RBFOX1: variants seen among roughly 807,000 people sequenced by gnomAD.
RBFOX1 encodes the protein RNA binding fox-1 homolog 1.
Under a neutral mutation model 57.7 loss-of-function variants are expected in RBFOX1, and 8 were observed. The observed-to-expected ratio is 0.14, with a 90% confidence interval of 0.08 to 0.25. RBFOX1 has a LOEUF of 0.25. RBFOX1 is among the 10% of genes least tolerant of loss of function. RBFOX1 has a pLI of 1.00. For synonymous variants in RBFOX1, 326 were observed against 222.4 expected (o/e 1.47, Z -4.15); for missense variants, 611 against 548.5 (o/e 1.11, Z -1.14).
At chr16:6,418,679 C>T (rs983354271) in intron 2 of RBFOX1, among the ~76,000 whole-genome samples, 4 of 151,896 alleles carry the variant, frequency 2.6e-5, no homozygotes, top group Non-Finnish European at 4.4e-5. Context: ...CATGCCACCA[C>T]ACCTGGCTAA....
chr16:5,813,347 C>G lies in RBFOX1; in HGVS notation c.319-53956C>G, dbSNP rs906245850. ...TTGTACAACCATTATGGTTCCAGAA[C>G]TTTTTCGTCACCCAAACAGAAAACT... is the stretch of plus-strand genomic sequence containing the variant. On this transcript the variant is annotated intron_variant, in intron 3 of 19. Coordinates refer to the RBFOX1 transcript ENST00000641259. Among the ~76,000 whole-genome samples, 9 of 152,268 alleles carry G rather than the reference C, an allele frequency of 5.9e-5. No individual in the cohort carries two copies. The South Asian group carries it at 1.5e-3, about 25-fold the overall frequency.
At chr16:7,518,972 A>T (rs1425584909) in intron 5 of RBFOX1, among the ~76,000 whole-genome samples, 1 of 152,170 alleles carries the variant, frequency 6.6e-6, no homozygotes, top group Non-Finnish European at 1.5e-5. Context: ...GCAGTGAGCT[A>T]AGATTGCTCC....
intron 4 of RBFOX1, among the ~76,000 whole-genome samples, chr16:5,918,874 G>C (rs985002673): frequency 6.6e-6 from 1 of 152,160 alleles, no homozygotes; most frequent in African/African-American, 2.4e-5. Context: ...AAGTCAAGGA[G>C]GCTTCTCAGA....
chr16:7,278,307 G>A (rs1275654055), intron 4 of RBFOX1, among the ~76,000 whole-genome samples: 4 of 152,158 alleles, frequency 2.6e-5, no homozygotes, highest in African/African-American at 9.7e-5. Flanking sequence ...AATGCTTAAA[G>A]AGAGATCAAA....
chr16:6,873,418 A>T (rs746692993), intron 3 of RBFOX1, among the ~76,000 whole-genome samples: 1 of 152,186 alleles, frequency 6.6e-6, no homozygotes, highest in African/African-American at 2.4e-5. Context: ...AGAAGTGCTC[A>T]CTATGACTAC....
intron 3 of RBFOX1, among the ~76,000 whole-genome samples, chr16:6,766,556 C>G (rs1164974657): frequency 1.3e-5 from 2 of 151,724 alleles, no homozygotes; most frequent in Non-Finnish European, 2.9e-5. Flanking sequence ...CACCCATGTT[C>G]TTTATCATCA....
At chr16:5,714,238 C>T (rs1596912593) in intron 3 of RBFOX1, among the ~76,000 whole-genome samples, 1 of 152,316 alleles carries the variant, frequency 6.6e-6, no homozygotes, top group South Asian at 2.1e-4. Context: ...TGAATCTGCA[C>T]ATAGTCATGT....
At chr16:6,975,330 A>G (rs2086588627) in intron 3 of RBFOX1, among the ~76,000 whole-genome samples, 1 of 152,050 alleles carries the variant, frequency 6.6e-6, no homozygotes, top group Non-Finnish European at 1.5e-5. Flanking sequence ...CAGTGGCACA[A>G]TATCAGCTCA....
intron 2 of RBFOX1, among the ~76,000 whole-genome samples, chr16:6,569,124 G>T (rs2097308601): frequency 6.6e-6 from 1 of 152,156 alleles, no homozygotes; most frequent in Non-Finnish European, 1.5e-5. Flanking sequence ...TACTCTCTCT[G>T]CCTCTTGATA....
intron 4 of RBFOX1, among the ~76,000 whole-genome samples, chr16:7,143,917 T>C (rs1192692326): frequency 1.3e-5 from 2 of 152,212 alleles, no homozygotes; most frequent in African/African-American, 4.8e-5. Flanking sequence ...CTGTAATGTC[T>C]ATTCACAGAC....
intron 4 of RBFOX1, among the ~76,000 whole-genome samples, chr16:7,090,872 CTCT>C (rs2060721019): frequency 6.6e-6 from 1 of 151,930 alleles, no homozygotes. Context: ...AAGTAAAACC[CTCT>C]TGACCAGCAC....
chr16:6,129,567 T>G (rs989422132), intron 1 of RBFOX1, among the ~76,000 whole-genome samples: 1 of 151,822 alleles, frequency 6.6e-6, no homozygotes, highest in Non-Finnish European at 1.5e-5. Context: ...ATTGAAAGCA[T>G]AGAGGTAGGG....
intron 1 of RBFOX1, among the ~76,000 whole-genome samples, chr16:5,432,261 T>G (rs998368484): frequency 2.0e-5 from 3 of 152,066 alleles, no homozygotes; most frequent in African/African-American, 7.2e-5. Flanking sequence ...AATAAAAACA[T>G]GGTTACAGTA....
chr16:5,531,213 G>A (rs752827215), intron 2 of RBFOX1, among the ~76,000 whole-genome samples: 5 of 152,140 alleles, frequency 3.3e-5, no homozygotes, highest in East Asian at 1.9e-4. Flanking sequence ...GGAGTTGTTC[G>A]TCAGCCCACC....
intron 1 of RBFOX1, among the ~76,000 whole-genome samples, chr16:6,181,349 C>G (rs2097060886): frequency 6.6e-6 from 1 of 152,160 alleles, no homozygotes. Flanking sequence ...ACCAAAGAGT[C>G]CCACTGTTCT....
chr16:6,666,542 A>G (rs1363062491), intron 3 of RBFOX1, among the ~76,000 whole-genome samples: 1 of 84,748 alleles, frequency 1.2e-5, no homozygotes, highest in African/African-American at 6.9e-5. Flanking sequence ...TCTGTCTCCA[A>G]AAAAAAAAAA....
chr16:5,362,111 T>C (rs1392309760), intron 1 of RBFOX1, among the ~76,000 whole-genome samples: 1 of 152,222 alleles, frequency 6.6e-6, no homozygotes, highest in East Asian at 1.9e-4. Flanking sequence ...TCAACAAATG[T>C]TTACATGCAT....
At chr16:7,155,971 ATG>A (rs1490048648) in intron 4 of RBFOX1, among the ~76,000 whole-genome samples, 3 of 151,710 alleles carry the variant, frequency 2.0e-5, no homozygotes, top group African/African-American at 7.3e-5. Flanking sequence ...CAAAATAACT[ATG>A]TAATATACAG....
At chr16:6,710,914 A>G (rs2063599936) in intron 3 of RBFOX1, among the ~76,000 whole-genome samples, 1 of 152,214 alleles carries the variant, frequency 6.6e-6, no homozygotes. Context: ...TCTAGAAGAC[A>G]GGGAGGGGAT....
Sources: allele counts gnomAD v4.1 joint callset (sites outside exome capture counted in the v4.1 genomes callset), GRCh38; gene constraint gnomAD v4.1.1; transcripts MANE v1.5; gene names NCBI Gene and HGNC (gene_info 2026-07-23, HGNC 2026-07-21).